Variants in SPATS2 observed in about 807,000 individuals in gnomAD.
SPATS2 encodes the protein spermatogenesis-associated serine-rich protein 2.
SPATS2 carries 38 observed loss-of-function variants against 63.7 expected under a neutral mutation model. That is an observed-to-expected ratio of 0.60 (90% CI 0.46 to 0.78). The LOEUF is 0.78. SPATS2 is among the 30% of genes least tolerant of loss of function. The pLI is 0.00. For synonymous variants in SPATS2, 207 were observed against 232.9 expected, an observed-to-expected ratio of 0.89 and a Z score of 1.01; for missense variants, 588 against 666.2, an observed-to-expected ratio of 0.88 and a Z score of 1.29.
intron 2 of SPATS2, among the ~76,000 whole-genome samples, chr12:49,406,882 A>G (rs1266462084): frequency 1.3e-5 from 2 of 152,224 alleles, no homozygotes; most frequent in East Asian, 1.9e-4. Flanking sequence ...GAGCAAACAT[A>G]TACTGGGAAC....
chr12:49,451,527 A>G (rs1945623491), intron 2 of SPATS2, among the ~76,000 whole-genome samples: 1 of 152,202 alleles, frequency 6.6e-6, no homozygotes, highest in Non-Finnish European at 1.5e-5. Context: ...TTCTTTTTAA[A>G]AATTTAAGAG....
intron 10 of SPATS2, among the ~76,000 whole-genome samples, chr12:49,516,057 T>TGGTG: frequency 7.0e-6 from 1 of 142,290 alleles, no homozygotes; most frequent in Non-Finnish European, 1.5e-5. Context: ...GGAGAATCAC[T>TGGTG]TGAACCCAGG....
intron 2 of SPATS2, among the ~76,000 whole-genome samples, chr12:49,433,548 A>G (rs929517182): frequency 2.0e-5 from 3 of 152,164 alleles, no homozygotes; most frequent in Non-Finnish European, 4.4e-5. Flanking sequence ...TGAGTGATTG[A>G]GCATCTTTTC....
intron 2 of SPATS2, among the ~76,000 whole-genome samples, chr12:49,387,895 T>A (rs1220055480): frequency 6.6e-6 from 1 of 152,122 alleles, no homozygotes; most frequent in African/African-American, 2.4e-5. Context: ...TCTCTTTTGA[T>A]GAATCCTGTG....
At chr12:49,369,773 G>C (rs1466953611) in intron 1 of SPATS2, among the ~76,000 whole-genome samples, 1 of 152,160 alleles carries the variant, frequency 6.6e-6, no homozygotes, top group Non-Finnish European at 1.5e-5. Flanking sequence ...TTAGTTTTCT[G>C]TTTAGTCTTA....
At chr12:49,437,865 A>C (rs1439867651) in intron 2 of SPATS2, among the ~76,000 whole-genome samples, 1 of 151,792 alleles carries the variant, frequency 6.6e-6, no homozygotes, top group African/African-American at 2.4e-5. Flanking sequence ...AGGGAGAGGG[A>C]GAGGAGGGAG....
intron 8 of SPATS2, 120 bp from the exon 9 acceptor site, chr12:49,499,950 G>GT: frequency 1.3e-6 from 1 of 746,548 alleles, no homozygotes; most frequent in Non-Finnish European, 1.9e-6. Context: ...GGGGAAGGTG[G>GT]TTATTTAGGA....
chr12:49,467,354 G>A (rs543687160), intron 3 of SPATS2, among the ~76,000 whole-genome samples: 13 of 151,966 alleles, frequency 8.6e-5, no homozygotes, highest in African/African-American at 2.9e-4. Flanking sequence ...GAGCCACTGC[G>A]CCTGTCCCAG....
At chr12:49,369,346 C>T (rs956971636) in intron 1 of SPATS2, among the ~76,000 whole-genome samples, 23 of 152,056 alleles carry the variant, frequency 1.5e-4, no homozygotes, top group Non-Finnish European at 7.4e-5. Context: ...TTTTAATTGA[C>T]CTCTTTCAGT....
chr12:49,477,120 T>A (rs1162204045), intron 3 of SPATS2, among the ~76,000 whole-genome samples: 2 of 150,890 alleles, frequency 1.3e-5, no homozygotes, highest in South Asian at 2.1e-4. Flanking sequence ...AAAAAAAAAA[T>A]TCTTGGAATT....
At chr12:49,440,246 T>C (rs6580715) in intron 2 of SPATS2, among the ~76,000 whole-genome samples, 52,610 of 152,010 alleles carry the variant, frequency 0.35, 12,744 homozygotes, top group African/African-American at 0.69. Context: ...AACATAAACC[T>C]GAAGAGTCAA....
chr12:49,475,429 T>G (rs1946101439), intron 3 of SPATS2, among the ~76,000 whole-genome samples: 1 of 150,258 alleles, frequency 6.7e-6, no homozygotes, highest in South Asian at 2.1e-4. Flanking sequence ...GTAGAATTCT[T>G]GTTGTTGTTG....
intron 9 of SPATS2, among the ~76,000 whole-genome samples, chr12:49,502,457 CTTTG>C (rs764919775): frequency 9.2e-5 from 14 of 151,958 alleles, no homozygotes; most frequent in East Asian, 3.9e-4. Flanking sequence ...TTCTGTTTTT[CTTTG>C]TTTGTTTGAG....
In SPATS2 at chr12:49,479,839, T is replaced by G. The variant is rs1946177059; in HGVS notation, c.26-4751T>G. 2.6e-5 allele frequency among the ~76,000 whole-genome samples: 4 copies of G among 152,224 alleles called. No homozygotes were observed. In the South Asian group the frequency reaches 8.3e-4, roughly 32 times the overall value. On this transcript the variant is annotated intron_variant, in intron 3 of 13. Coordinates refer to ENST00000552918, the MANE Select transcript of SPATS2 (RefSeq NM_023071.4). ...GCTATATATCAAGGTACTGTTAAAA[T>G]AATGGCAACTTGAGAACTAGTATAT... is the stretch of plus-strand genomic sequence containing the variant.
chr12:49,432,249 G>A (rs972170018), intron 2 of SPATS2, among the ~76,000 whole-genome samples: 1 of 152,164 alleles, frequency 6.6e-6, no homozygotes, highest in Non-Finnish European at 1.5e-5. Flanking sequence ...TGAGGCAGGT[G>A]GATCATGGGT....
chr12:49,429,421 C>T (rs1290250609), intron 2 of SPATS2, among the ~76,000 whole-genome samples: 5 of 152,060 alleles, frequency 3.3e-5, no homozygotes. Context: ...AGAAAGGTTT[C>T]ATATTCACCA....
chr12:49,407,256 CT>C (rs1944712987), intron 2 of SPATS2, among the ~76,000 whole-genome samples: 2 of 152,052 alleles, frequency 1.3e-5, no homozygotes, highest in South Asian at 4.1e-4. Context: ...CTGTCCTTGT[CT>C]TTGTGTAGTC....
intron 2 of SPATS2, among the ~76,000 whole-genome samples, chr12:49,426,808 G>C (rs1325330288): frequency 2.0e-5 from 3 of 152,084 alleles, no homozygotes; most frequent in Non-Finnish European, 2.9e-5. Flanking sequence ...CTCCCAAAGT[G>C]CTGGGATTAC....
In SPATS2 at chr12:49,462,654, A is replaced by G. The variant is rs1375714351; in HGVS notation, c.25+1617A>G. ...AAGGATGGTAAATGCGGGAGATTTT[A>G]TTGCTGATGAAAGTGGCTTTTAGCA... On this transcript the variant is annotated intron_variant, in intron 3 of 13. Transcript: ENST00000552918. 1.9e-5 allele frequency: 11 copies of G among 584,098 alleles called. No individual in the cohort carries two copies. In the East Asian group the frequency reaches 3.2e-4, roughly 17 times the overall value. The allele number at this position is 584,098 out of a possible 1,614,324, so 36.2% of individuals were successfully genotyped here.
Sources: allele counts gnomAD v4.1 joint callset (sites outside exome capture counted in the v4.1 genomes callset), GRCh38; gene constraint gnomAD v4.1.1; transcripts MANE v1.5; gene names NCBI Gene and HGNC (gene_info 2026-07-23, HGNC 2026-07-21).